Variants in HMGCLL1 observed in about 807,000 individuals in gnomAD.
HMGCLL1 encodes the protein 3-hydroxy-3-methylglutaryl-CoA lyase like 1, also known as 3-hydroxymethyl-3-methylglutaryl-CoA lyase, cytoplasmic.
A neutral mutation model predicts 39.1 loss-of-function variants in HMGCLL1; 36 were observed. The observed-to-expected ratio is 0.92, with a 90% CI of 0.71 to 1.22. The LOEUF is 1.22. HMGCLL1 is among the 50% of genes most tolerant of loss of function. The probability of loss-of-function intolerance (pLI) is 0.00; values close to 1 mark genes in which losing one functional copy is unlikely to be tolerated. For synonymous variants in HMGCLL1, 149 were observed against 144.0 expected, an observed-to-expected ratio of 1.03 and a Z score of -0.25; for missense variants, 451 against 416.5, an observed-to-expected ratio of 1.08 and a Z score of -0.72.
chr6:55,549,205 A>C (rs2127463407), intron 1 of HMGCLL1, among the ~76,000 whole-genome samples: 1 of 152,000 alleles, frequency 6.6e-6, no homozygotes, highest in South Asian at 2.1e-4. Flanking sequence ...TGTTACTTTG[A>C]AAATCAAAAG....
the HMGCLL1 span, among the ~76,000 whole-genome samples, chr6:55,672,501 T>C: frequency 6.6e-6 from 1 of 151,814 alleles, no homozygotes; most frequent in African/African-American, 2.4e-5. Context: ...TCAAATATAA[T>C]ATAATCAAAT....
the HMGCLL1 span, among the ~76,000 whole-genome samples, chr6:55,660,166 G>A: frequency 6.6e-6 from 1 of 151,726 alleles, no homozygotes; most frequent in African/African-American, 2.4e-5. Context: ...GTGTGTTCCA[G>A]ACTCTGTCTA....
chr6:55,477,861 A>G (rs1765539972), intron 7 of HMGCLL1, among the ~76,000 whole-genome samples: 1 of 151,050 alleles, frequency 6.6e-6, no homozygotes, highest in Non-Finnish European at 1.5e-5. Flanking sequence ...GACAATAGCC[A>G]TAATTTTACT....
the HMGCLL1 span, among the ~76,000 whole-genome samples, chr6:55,674,672 GATA>G: frequency 0.014 from 2,111 of 152,148 alleles, 55 homozygotes; most frequent in African/African-American, 0.048. Flanking sequence ...GAGGGACAAT[GATA>G]ATGTTACTAT....
chr6:55,637,883 C>A, the HMGCLL1 span, among the ~76,000 whole-genome samples: 1 of 151,852 alleles, frequency 6.6e-6, no homozygotes, highest in African/African-American at 2.4e-5. Flanking sequence ...CTTTGTAAAT[C>A]CAAGAGGAAG....
At chr6:55,462,309 C>T (rs1764604883) in intron 7 of HMGCLL1, among the ~76,000 whole-genome samples, 1 of 152,074 alleles carries the variant, frequency 6.6e-6, no homozygotes, top group Admixed American at 6.6e-5. Flanking sequence ...GTTGCAACTA[C>T]ATACGAAATA....
In HMGCLL1 at chr6:55,439,454, TA is replaced by T. The variant is rs750907226; in HGVS notation, c.900del (p.Asn301MetfsTer9). 1.6e-5 allele frequency: 25 copies of T among 1,612,598 alleles called. No homozygotes were observed. Among genetic ancestry groups the T allele is most frequent in the Non-Finnish European group, 2.1e-5 (25 of 1,179,006 alleles). On this transcript the variant is annotated frameshift_variant, in exon 8 of 9. Transcript: ENST00000274901. LOFTEE classifies it high-confidence loss of function. ...NVATEDLIYM[L>X]NGLGLNTGVN... ...CTTACTGTATTGAGCCCCAGGCCAT[TA>T]AGCATATATATCAAATCCTCAGTGG...
intron 7 of HMGCLL1, among the ~76,000 whole-genome samples, chr6:55,477,234 ATTATATTTATATAAT>A (rs1561904331): frequency 0.17 from 3,528 of 20,492 alleles, 772 homozygotes; most frequent in African/African-American, 0.3. Context: ...TATAATATAT[ATTATATTTATATAAT>A]ATATAATATA....
chr6:55,623,984 T>G, the HMGCLL1 span, among the ~76,000 whole-genome samples: 1 of 152,060 alleles, frequency 6.6e-6, no homozygotes, highest in African/African-American at 2.4e-5. Context: ...TAGCCCCTAC[T>G]TTACCTGGAG....
intron 3 of HMGCLL1, among the ~76,000 whole-genome samples, chr6:55,539,172 G>A (rs866645927): frequency 6.6e-6 from 1 of 152,228 alleles, no homozygotes; most frequent in Middle Eastern, 3.4e-3. Flanking sequence ...AAGTAATACA[G>A]TTAACACTAA....
chr6:55,477,348 T>A lies in HMGCLL1; in HGVS notation c.795+18071A>T, dbSNP rs184417967. Among the ~76,000 whole-genome samples, 64 of 19,554 alleles carry A rather than the reference T, an allele frequency of 3.3e-3. 1 individual carries two copies. The highest frequency in any genetic ancestry group is 5.2e-3 in the Admixed American group (5 of 966). 12.8% of individuals were successfully genotyped at this position (19,554 alleles called of 152,430 possible). ...TATATTATATAATATATATTATATT[T>A]AGATAATATATATTATATTAATATA... On this transcript the variant is annotated intron_variant, in intron 7 of 8. Coordinates refer to ENST00000274901, the MANE Select transcript of HMGCLL1 (RefSeq NM_001042406.2).
Position 55,556,080 on chromosome 6 carries a change from GT to G in HMGCLL1, c.109-13941del, listed in dbSNP as rs558318854. On this transcript the variant is annotated intron_variant, in intron 1 of 8. Transcript: ENST00000274901. ...AATTGTTAGCAGCATCAACTTACCT[GT>G]GACTATTGATAAGCTATTAAAAAGC... 3.3e-5 allele frequency among the ~76,000 whole-genome samples: 5 copies of G among 152,202 alleles called. No homozygotes were observed. The East Asian group carries it at 9.7e-4, about 29-fold the overall frequency.
At chr6:55,454,541 G>A (rs143997811) in intron 7 of HMGCLL1, among the ~76,000 whole-genome samples, 53 of 152,320 alleles carry the variant, frequency 3.5e-4, no homozygotes, top group African/African-American at 1.3e-3. Context: ...AATCACTGGT[G>A]GGCAAGAGGG....
chr6:55,650,127 A>AT, the HMGCLL1 span, among the ~76,000 whole-genome samples: 895 of 76,730 alleles, frequency 0.012, 39 homozygotes, highest in African/African-American at 0.033. Context: ...ATATATATAT[A>AT]TATATATACA....
chr6:55,470,813 T>C (rs966030935), intron 7 of HMGCLL1, among the ~76,000 whole-genome samples: 1 of 151,692 alleles, frequency 6.6e-6, no homozygotes, highest in African/African-American at 2.4e-5. Flanking sequence ...GCACATCTTA[T>C]ATGGTGGCAG....
the HMGCLL1 span, among the ~76,000 whole-genome samples, chr6:55,639,644 G>A: frequency 6.6e-6 from 1 of 152,060 alleles, no homozygotes; most frequent in African/African-American, 2.4e-5. Flanking sequence ...ATTTGTTTAA[G>A]TGTTTTAAGG....
the HMGCLL1 span, among the ~76,000 whole-genome samples, chr6:55,588,082 C>A: frequency 0.24 from 36,675 of 151,958 alleles, 4,722 homozygotes; most frequent in East Asian, 0.48. Context: ...ACTCTCCACC[C>A]CAAATCAACA....
At chr6:55,619,839 G>A in the HMGCLL1 span, among the ~76,000 whole-genome samples, 1 of 151,790 alleles carries the variant, frequency 6.6e-6, no homozygotes, top group Non-Finnish European at 1.5e-5. Flanking sequence ...TGCCCACACC[G>A]CCCCCGCTCC....
intron 7 of HMGCLL1, among the ~76,000 whole-genome samples, chr6:55,461,032 G>A (rs1764539086): frequency 6.6e-6 from 1 of 151,898 alleles, no homozygotes; most frequent in Non-Finnish European, 1.5e-5. Context: ...CCCTTAGGGT[G>A]CTGCTACAGG....
Sources: allele counts gnomAD v4.1 joint callset (sites outside exome capture counted in the v4.1 genomes callset), GRCh38; gene constraint gnomAD v4.1.1; transcripts MANE v1.5; gene names NCBI Gene and HGNC (gene_info 2026-07-23, HGNC 2026-07-21).